EYS: variants seen among roughly 807,000 people sequenced by gnomAD.
EYS encodes EGF-like photoreceptor maintenance factor, also known as protein eyes shut homolog.
EYS carries 250 observed loss-of-function variants against 282.1 expected under a neutral mutation model. The ratio of observed to expected loss-of-function variants is 0.89; its 90% CI spans 0.80 to 0.98. The LOEUF is 0.98. Ranked by LOEUF, EYS falls within the 50% of genes least tolerant of loss-of-function variation. The pLI is 0.00. For missense variants in EYS, 4,016 were observed against 3,709.0 expected (o/e 1.08, Z -2.15); for synonymous variants, 1,355 against 1,282.9 (o/e 1.06, Z -1.20).
chr6:64,892,997 T>C (rs1767335256), intron 18 of EYS, among the ~76,000 whole-genome samples: 1 of 152,104 alleles, frequency 6.6e-6, no homozygotes, highest in Non-Finnish European at 1.5e-5. Flanking sequence ...AGCCAGGCAC[T>C]TGGAACATTT....
chr6:64,748,417 C>T (rs1001034576), intron 22 of EYS, among the ~76,000 whole-genome samples: 7 of 152,230 alleles, frequency 4.6e-5, no homozygotes, highest in Admixed American at 4.6e-4. Flanking sequence ...TCATAAGGAG[C>T]TGCAACCTGC....
At chr6:64,061,919 G>C (rs1273428002) in intron 33 of EYS, among the ~76,000 whole-genome samples, 1 of 151,454 alleles carries the variant, frequency 6.6e-6, no homozygotes, top group Non-Finnish European at 1.5e-5. Flanking sequence ...GAACCTGGAA[G>C]TTGGAGGTTG....
At chr6:64,789,345 C>G (rs1774113968) in intron 22 of EYS, among the ~76,000 whole-genome samples, 1 of 152,152 alleles carries the variant, frequency 6.6e-6, no homozygotes, top group African/African-American at 2.4e-5. Flanking sequence ...TATGATACAT[C>G]CTTCTGCCTT....
At chr6:65,356,460 A>G (rs1764490830) in intron 8 of EYS, among the ~76,000 whole-genome samples, 2 of 152,020 alleles carry the variant, frequency 1.3e-5, no homozygotes, top group Admixed American at 1.3e-4. Flanking sequence ...GCCAGGAAAA[A>G]TGACACAAAT....
intron 28 of EYS, among the ~76,000 whole-genome samples, chr6:64,430,058 C>T (rs1404478121): frequency 6.6e-6 from 1 of 152,114 alleles, no homozygotes; most frequent in Admixed American, 6.6e-5. Context: ...CACTGATTTT[C>T]CAGCACTCTG....
At chr6:65,035,646 G>T (rs908929648) in intron 13 of EYS, among the ~76,000 whole-genome samples, 1 of 151,928 alleles carries the variant, frequency 6.6e-6, no homozygotes, top group East Asian at 1.9e-4. Context: ...TTTCTACAAT[G>T]AGAATTTCAA....
At position 65,285,090 on chromosome 6, in the gene EYS, T is replaced by C. The variant is rs376424949; in HGVS notation, c.2023+10773A>G. Among the ~76,000 whole-genome samples, 5 of 152,120 alleles carry C rather than the reference T, an allele frequency of 3.3e-5. No homozygotes were observed. The East Asian group carries it at 5.8e-4, about 18-fold the overall frequency. Reference sequence around the variant, plus strand: ...AAAAAGAATGACATGTAATGGAAGCTTTCAAAGTGATTGTTGATACGTGGT... The same window carrying C: ...AAAAAGAATGACATGTAATGGAAGCCTTCAAAGTGATTGTTGATACGTGGT... On this transcript the variant is annotated intron_variant, in intron 12 of 42. Coordinates refer to ENST00000503581, the MANE Select transcript of EYS (RefSeq NM_001142800.2).
At position 64,950,792 on chromosome 6, in the gene EYS, C is replaced by CATACATATAT. The variant is rs1419966413; in HGVS notation, c.2260-4879_2260-4878insATATATGTAT. Among the ~76,000 whole-genome samples, 32 of 60,892 alleles carry CATACATATAT rather than the reference C, an allele frequency of 5.3e-4. 1 individual carries two copies. Among genetic ancestry groups the CATACATATAT allele is most frequent in the African/African-American group, 1.1e-3 (15 of 13,996 alleles). The allele number at this position is 60,892 out of a possible 152,430, so 39.9% of individuals were successfully genotyped here. On this transcript the variant is annotated intron_variant, in intron 14 of 42. Transcript: ENST00000503581. ...TGAATAAAAAATATATACACATATA[C>CATACATATAT]ATATACATATATATATATATATATA...
At chr6:64,404,580 C>T (rs1773647797) in intron 28 of EYS, among the ~76,000 whole-genome samples, 1 of 152,130 alleles carries the variant, frequency 6.6e-6, no homozygotes, top group African/African-American at 2.4e-5. Context: ...GCAAGACAGT[C>T]CACGCTGGAT....
At chr6:65,072,228 G>A (rs1583456837) in intron 12 of EYS, among the ~76,000 whole-genome samples, 2 of 151,700 alleles carry the variant, frequency 1.3e-5, no homozygotes, top group East Asian at 3.9e-4. Context: ...GAAATTGTAA[G>A]AAATTTAATA....
intron 32 of EYS, among the ~76,000 whole-genome samples, chr6:64,070,903 A>G (rs1771549298): frequency 6.6e-6 from 1 of 152,026 alleles, no homozygotes; most frequent in Non-Finnish European, 1.5e-5. Flanking sequence ...TTACACCATG[A>G]GCGAAAATGT....
At chr6:64,655,359 CAA>C (rs3085203) in intron 22 of EYS, among the ~76,000 whole-genome samples, 96,910 of 151,556 alleles carry the variant, frequency 0.64, 31,185 homozygotes, top group African/African-American at 0.71. Flanking sequence ...TTTTTCTGCT[CAA>C]AGTCTAATAA....
At chr6:64,385,193 A>C (rs1250575340) in intron 29 of EYS, among the ~76,000 whole-genome samples, 1 of 152,142 alleles carries the variant, frequency 6.6e-6, no homozygotes, top group Admixed American at 6.5e-5. Context: ...TGAATTTCCT[A>C]TCTTTCTTTT....
intron 12 of EYS, among the ~76,000 whole-genome samples, chr6:65,148,600 T>A (rs1764535250): frequency 6.6e-6 from 1 of 152,088 alleles, no homozygotes; most frequent in African/African-American, 2.4e-5. Context: ...GTGTATCTAC[T>A]GTTCTGGGGG....
rs1237340940 is a variant in EYS, at chr6:64,596,188, A to G, written c.3685-2879T>C. Among the ~76,000 whole-genome samples the G allele has an allele frequency of 2.0e-5, 3 of 152,074 alleles. No individual in the cohort carries two copies. The East Asian group carries it at 5.8e-4, about 29-fold the overall frequency. On this transcript the variant is annotated intron_variant, in intron 24 of 42. Transcript: ENST00000503581. The stretch of plus-strand genomic sequence containing the variant: ...GATGAGGGATCCACCTCCATGACCC[A>G]AATTCCTCCCCCCAGGCCACATCTC...
intron 5 of EYS, among the ~76,000 whole-genome samples, chr6:65,476,645 C>T (rs568664147): frequency 1.3e-5 from 2 of 152,020 alleles, no homozygotes; most frequent in East Asian, 3.9e-4. Context: ...GGTGCGATCT[C>T]AGCTCACTGC....
At chr6:65,211,214 T>C (rs143835950) in intron 12 of EYS, among the ~76,000 whole-genome samples, 89 of 152,126 alleles carry the variant, frequency 5.9e-4, no homozygotes, top group African/African-American at 1.8e-3. Context: ...GTACCACAAA[T>C]TGAATATTCA....
At chr6:64,656,210 G>A (rs1429464375) in intron 22 of EYS, among the ~76,000 whole-genome samples, 1 of 152,028 alleles carries the variant, frequency 6.6e-6, no homozygotes, top group African/African-American at 2.4e-5. Context: ...AATAAATGCT[G>A]CTATGTTTTA....
chr6:64,337,141 T>C (rs906821849), intron 29 of EYS, among the ~76,000 whole-genome samples: 2 of 151,892 alleles, frequency 1.3e-5, no homozygotes, highest in African/African-American at 2.4e-5. Flanking sequence ...CAGAACTAAA[T>C]GAAATTGAAA....
Sources: gnomAD v4.1 joint callset for allele counts (sites outside exome capture counted in the v4.1 genomes callset) on GRCh38, gnomAD v4.1.1 for gene constraint, MANE v1.5 for transcripts, NCBI Gene and HGNC (gene_info 2026-07-23, HGNC 2026-07-21) for gene names.